Variants in SMG6 observed in about 807,000 individuals in gnomAD.
SMG6 encodes telomerase-binding protein EST1A.
SMG6 carries 66 observed loss-of-function variants against 142.2 expected under a neutral mutation model. That is an observed-to-expected ratio of 0.46 (90% CI 0.38 to 0.57). SMG6 has a LOEUF of 0.57. Ranked by LOEUF, SMG6 falls within the 20% of genes least tolerant of loss-of-function variation. The pLI, the probability that SMG6 is intolerant of heterozygous loss-of-function variation, is 0.00. For missense variants in SMG6, 1,793 were observed against 1,832.0 expected, an observed-to-expected ratio of 0.98 and a Z score of 0.39; for synonymous variants, 779 against 702.4, an observed-to-expected ratio of 1.11 and a Z score of -1.72.
chr17:2,074,418 G>A (rs2068200514), intron 15 of SMG6, among the ~76,000 whole-genome samples: 1 of 152,172 alleles, frequency 6.6e-6, no homozygotes, highest in South Asian at 2.1e-4. Flanking sequence ...AGAAAAGGCA[G>A]GCAGAGCCAC....
At chr17:2,285,952 G>A (rs979977876) in intron 6 of SMG6, among the ~76,000 whole-genome samples, 2 of 151,820 alleles carry the variant, frequency 1.3e-5, no homozygotes, top group African/African-American at 4.9e-5. Context: ...GGGATTACAG[G>A]GGTCAGACAC....
At chr17:2,172,906 T>TA (rs1470197758) in intron 12 of SMG6, 47 bp from the exon 13 acceptor site, 56 of 1,536,028 alleles carry the variant, frequency 3.6e-5, no homozygotes, top group Middle Eastern at 1.7e-4. Context: ...GAGGGACCAG[T>TA]AAAAAAAAGT....
chr17:2,236,921 C>T, intron 9 of SMG6: 2 of 894,370 alleles, frequency 2.2e-6, no homozygotes, highest in African/African-American at 1.8e-5. Context: ...GCTATTTCCT[C>T]ACCCCTGGCA....
chr17:2,097,516 G>A (rs1385353041), intron 13 of SMG6, among the ~76,000 whole-genome samples: 1 of 152,216 alleles, frequency 6.6e-6, no homozygotes, highest in East Asian at 1.9e-4. Context: ...AATCTGTAAG[G>A]GGGCATATTT....
At chr17:2,140,436 C>T (rs1304567443) in intron 13 of SMG6, among the ~76,000 whole-genome samples, 2 of 152,130 alleles carry the variant, frequency 1.3e-5, no homozygotes, top group Non-Finnish European at 2.9e-5. Flanking sequence ...CTTTGGGAGG[C>T]CAAGGTGGGT....
chr17:2,202,826 C>T (rs539523159), intron 10 of SMG6, among the ~76,000 whole-genome samples: 9 of 152,340 alleles, frequency 5.9e-5, no homozygotes, highest in African/African-American at 2.2e-4. Flanking sequence ...CAAGGTCACA[C>T]AGCTGGCAAG....
At chr17:2,243,679 C>CA (rs778917820) in intron 9 of SMG6, among the ~76,000 whole-genome samples, 14 of 151,400 alleles carry the variant, frequency 9.2e-5, no homozygotes, top group African/African-American at 2.2e-4. Flanking sequence ...GGCTCTGTCT[C>CA]AAAAAAAAGC....
chr17:2,166,304 A>G (rs2071336786), intron 13 of SMG6, among the ~76,000 whole-genome samples: 1 of 152,178 alleles, frequency 6.6e-6, no homozygotes, highest in African/African-American at 2.4e-5. Context: ...GTAAGTGACC[A>G]GCATCAAATC....
chr17:2,171,458 G>A (rs1317162640), intron 13 of SMG6, among the ~76,000 whole-genome samples: 4 of 151,336 alleles, frequency 2.6e-5, no homozygotes, highest in South Asian at 2.1e-4. Context: ...GAAGGATTAC[G>A]GATAATTTTT....
chr17:2,097,264 C>T (rs2068881386), intron 13 of SMG6, among the ~76,000 whole-genome samples: 1 of 151,986 alleles, frequency 6.6e-6, no homozygotes, highest in Admixed American at 6.6e-5. Flanking sequence ...AGGTGATCCT[C>T]CCACCTCAGC....
At chr17:2,253,143 ATTTATTTATTTATTTT>A (rs1240993253) in intron 8 of SMG6, among the ~76,000 whole-genome samples, 17 of 149,630 alleles carry the variant, frequency 1.1e-4, no homozygotes, top group Middle Eastern at 3.4e-3. Flanking sequence ...TTATTTATTT[ATTTATTTATTTATTTT>A]GAGATGGAGT....
chr17:2,258,062 C>CACACATATATATAT lies in SMG6; in HGVS notation c.2662-13344_2662-13343insATATATATATGTGT, dbSNP rs1555567107. Among the ~76,000 whole-genome samples, 982 of 119,790 alleles carry CACACATATATATAT rather than the reference C, an allele frequency of 8.2e-3. 32 individuals are homozygous for CACACATATATATAT. The highest frequency in any genetic ancestry group is 0.013 in the African/African-American group (437 of 32,952). 78.6% of individuals were successfully genotyped at this position (119,790 alleles called of 152,430 possible). A position where few individuals can be genotyped will look rare whatever the true frequency, so the allele number is the denominator to read the frequency against. On this transcript the variant is annotated intron_variant, in intron 8 of 18. Transcript: ENST00000263073. ...ATACACACACACACACACACACACA[C>CACACATATATATAT]ACACATATATATACATATATAGATG...
intron 13 of SMG6, among the ~76,000 whole-genome samples, chr17:2,136,690 A>G (rs1336117750): frequency 6.6e-6 from 1 of 152,054 alleles, no homozygotes; most frequent in Non-Finnish European, 1.5e-5. Context: ...AAATGCACCA[A>G]AGACGATTCA....
chr17:2,298,164 A>T (rs1363386277), intron 2 of SMG6, 109 bp from the exon 3 acceptor site: 1 of 989,308 alleles, frequency 1.0e-6, no homozygotes, highest in Non-Finnish European at 1.5e-6. Flanking sequence ...GGAAATAAAA[A>T]ATGTGACCAG....
intron 13 of SMG6, among the ~76,000 whole-genome samples, chr17:2,142,748 C>T (rs1215581592): frequency 2.0e-5 from 3 of 151,654 alleles, no homozygotes; most frequent in Admixed American, 1.3e-4. Flanking sequence ...ATTAGCCAGG[C>T]GTGGTGGCGC....
intron 8 of SMG6, among the ~76,000 whole-genome samples, chr17:2,258,884 C>T (rs1298496763): frequency 6.6e-6 from 1 of 151,850 alleles, no homozygotes; most frequent in African/African-American, 2.4e-5. Context: ...TCAAGACCAG[C>T]CTGGCCAACA....
chr17:2,174,938 A>G (rs1011977926), intron 12 of SMG6, among the ~76,000 whole-genome samples: 39 of 152,186 alleles, frequency 2.6e-4, no homozygotes, highest in African/African-American at 8.4e-4. Flanking sequence ...ATCTGCAGAG[A>G]AGAAAATAAT....
At chr17:2,185,853 G>T (rs962594790) in intron 12 of SMG6, among the ~76,000 whole-genome samples, 2 of 152,136 alleles carry the variant, frequency 1.3e-5, no homozygotes, top group Non-Finnish European at 2.9e-5. Flanking sequence ...AGATGTGCAT[G>T]CATTCAGCCT....
At chr17:2,161,711 A>G (rs1432937368) in intron 13 of SMG6, among the ~76,000 whole-genome samples, 1 of 148,000 alleles carries the variant, frequency 6.8e-6, no homozygotes, top group Non-Finnish European at 1.5e-5. Context: ...AGTCTCAAGG[A>G]TTTGTCTAAA....
Sources: gnomAD v4.1 joint callset for allele counts (sites outside exome capture counted in the v4.1 genomes callset) on GRCh38, gnomAD v4.1.1 for gene constraint, MANE v1.5 for transcripts, NCBI Gene and HGNC (gene_info 2026-07-23, HGNC 2026-07-21) for gene names.